AKR1E2: variants seen among roughly 807,000 people sequenced by gnomAD.
AKR1E2 encodes 1,5-anhydro-D-fructose reductase.
Under a neutral mutation model 41.9 loss-of-function variants are expected in AKR1E2, and 43 were observed. The ratio of observed to expected loss-of-function variants is 1.03; its 90% CI spans 0.80 to 1.32. AKR1E2 has a LOEUF of 1.32. Ranked by LOEUF, AKR1E2 falls within the 40% of genes most tolerant of loss-of-function variation. The pLI is 0.00. For missense variants in AKR1E2, 423 were observed against 396.5 expected (o/e 1.07, Z -0.57); for synonymous variants, 121 against 138.9 (o/e 0.87, Z 0.91).
At chr10:4,831,144 A>C (rs999417950) in intron 2 of AKR1E2, among the ~76,000 whole-genome samples, 1 of 152,214 alleles carries the variant, frequency 6.6e-6, no homozygotes, top group Non-Finnish European at 1.5e-5. Context: ...GCCCTCATGA[A>C]GTCTGTTTAC....
At chr10:4,861,964 G>C in the AKR1E2 span, among the ~76,000 whole-genome samples, 5 of 152,162 alleles carry the variant, frequency 3.3e-5, no homozygotes, top group Admixed American at 1.3e-4. Context: ...TTTGGCTTTT[G>C]TTGCCATTGT....
chr10:4,852,349 C>T (rs1371462437), downstream of AKR1E2, among the ~76,000 whole-genome samples: 1 of 152,172 alleles, frequency 6.6e-6, no homozygotes, highest in African/African-American at 2.4e-5. Context: ...GAAAAAGGCT[C>T]CTTCTCTTGT....
At chr10:4,854,472 A>G in the AKR1E2 span, among the ~76,000 whole-genome samples, 1 of 151,948 alleles carries the variant, frequency 6.6e-6, no homozygotes, top group African/African-American at 2.4e-5. Context: ...AGATCTAAGA[A>G]CCCTCTCTTG....
the AKR1E2 span, among the ~76,000 whole-genome samples, chr10:4,865,543 T>A: frequency 2.0e-5 from 3 of 152,282 alleles, no homozygotes; most frequent in Middle Eastern, 3.4e-3. Context: ...AAATTAATGA[T>A]AATTGAAATA....
chr10:4,829,314 T>A (rs994162805), intron 1 of AKR1E2, among the ~76,000 whole-genome samples: 1 of 152,208 alleles, frequency 6.6e-6, no homozygotes, highest in African/African-American at 2.4e-5. Context: ...AAACCATCCT[T>A]AGATATCTGA....
intron 8 of AKR1E2, among the ~76,000 whole-genome samples, chr10:4,843,062 G>A (rs778766136): frequency 6.6e-6 from 1 of 152,172 alleles, no homozygotes; most frequent in Non-Finnish European, 1.5e-5. Flanking sequence ...TCCTTTTCAG[G>A]GCAATCTTTT....
the AKR1E2 span, among the ~76,000 whole-genome samples, chr10:4,869,187 TAAAATTATAAACTCA>T: frequency 3.9e-5 from 6 of 152,176 alleles, no homozygotes; most frequent in Admixed American, 3.9e-4. Context: ...TTGGGAGTTT[TAAAATTATAAACTCA>T]ATTTAGTAAT....
Position 4,847,924 on chromosome 10 carries a change from A to T in AKR1E2, c.*394A>T, listed in dbSNP as rs17133780. The stretch of plus-strand genomic sequence containing the variant: ...TGCCCCAGGCCAGCCCGCGTCACCT[A>T]CACTTCCTTCTGTGCCCTGCCAGTG... On this transcript the variant is annotated 3_prime_UTR_variant, in exon 10 of 10. Coordinates refer to ENST00000298375, the MANE Select transcript of AKR1E2 (RefSeq NM_001040177.3). 6,077 of 182,806 alleles carry T rather than the reference A, an allele frequency of 0.033. 164 individuals carry two copies. Among genetic ancestry groups the T allele is most frequent in the East Asian group, 0.1 (685 of 6,688 alleles). 11.3% of individuals were successfully genotyped at this position (182,806 alleles called of 1,614,324 possible).
the AKR1E2 span, among the ~76,000 whole-genome samples, chr10:4,868,887 A>G: frequency 1.3e-5 from 2 of 152,050 alleles, no homozygotes; most frequent in Non-Finnish European, 2.9e-5. Flanking sequence ...TATAAGCTAT[A>G]CTTGGTTTTT....
Position 4,828,283 on chromosome 10 carries a change from A to G in AKR1E2, c.39+1920A>G, listed in dbSNP as rs1222602924. 4.6e-5 allele frequency among the ~76,000 whole-genome samples: 7 copies of G among 152,114 alleles called. No individual in the cohort carries two copies. In the East Asian group the frequency reaches 1.3e-3, roughly 29 times the overall value. ...CCTGTCCTCGTGCGGTTAGTTAGGG[A>G]GTGTTCTCAAGATGATGGCTGAAGC... is the stretch of plus-strand genomic sequence containing the variant. On this transcript the variant is annotated intron_variant, in intron 1 of 9. Transcript: ENST00000298375.
chr10:4,828,795 T>G (rs1158916420), intron 1 of AKR1E2, among the ~76,000 whole-genome samples: 2 of 152,220 alleles, frequency 1.3e-5, no homozygotes, highest in Admixed American at 1.3e-4. Context: ...ATATATGTCT[T>G]TTGTTGGAAT....
chr10:4,853,720 G>C, the AKR1E2 span, among the ~76,000 whole-genome samples: 1 of 152,208 alleles, frequency 6.6e-6, no homozygotes, highest in African/African-American at 2.4e-5. Context: ...TTGAATAGGG[G>C]CTGAGTAAAA....
chr10:4,869,833 G>T, the AKR1E2 span, among the ~76,000 whole-genome samples: 1 of 151,622 alleles, frequency 6.6e-6, no homozygotes, highest in African/African-American at 2.4e-5. Context: ...TCTGTTTTTG[G>T]TTTCTAATTT....
At position 4,833,403 on chromosome 10, in the gene AKR1E2, T is replaced by C; in HGVS notation, c.261T>C (p.Ser87=). The change falls in exon 3 of 10, where the codon AGT becomes AGC. Residue 87 remains serine (S), a synonymous_variant. Coordinates refer to ENST00000298375, the MANE Select transcript of AKR1E2 (RefSeq NM_001040177.3). The part of the protein sequence containing the change: ...KSLVETACRK[S]LKALKLNYLD... ...TGGTGGAAACAGCATGCAGAAAGAG[T>C]CTCAAGGCCTTGAAGCTGAACTATT... 6.2e-7 allele frequency: 1 copy of C among 1,613,910 alleles called. No individual in the cohort carries two copies. The highest frequency in any genetic ancestry group is 1.3e-5 in the African/African-American group (1 of 74,954).
chr10:4,861,411 T>A, the AKR1E2 span, among the ~76,000 whole-genome samples: 2 of 151,922 alleles, frequency 1.3e-5, no homozygotes, highest in African/African-American at 2.4e-5. Flanking sequence ...CACTCCATTG[T>A]CCAGGATGGA....
At position 4,842,500 on chromosome 10, in the gene AKR1E2, T is replaced by A; in HGVS notation, c.833T>A (p.Ile278Asn). 5 of 1,613,718 alleles carry A rather than the reference T, an allele frequency of 3.1e-6. No homozygotes were observed. The highest frequency in any genetic ancestry group is 2.5e-6 in the Non-Finnish European group (3 of 1,179,644). The change falls in exon 8 of 10, where the codon ATC (isoleucine) becomes AAC (asparagine). Residue 278 changes from isoleucine (I) to asparagine (N), a missense_variant. Transcript: ENST00000298375. ...SITPSHIKEN[I>N]QVFDFELTQH... ...ACCCCAAGTCACATTAAAGAGAATA[T>A]CCAGGTAGGTGTATTCCTTCTTTTA... is the stretch of plus-strand genomic sequence containing the variant.
chr10:4,866,644 TG>T, the AKR1E2 span, among the ~76,000 whole-genome samples: 57 of 120,352 alleles, frequency 4.7e-4, 2 homozygotes, highest in South Asian at 2.3e-3. Context: ...TTTTTGTTTT[TG>T]TTTTTTTTTT....
rs1226162673 is a variant in AKR1E2, at chr10:4,839,714, A to G, written c.583-15A>G. 1.1e-5 allele frequency: 18 copies of G among 1,608,108 alleles called. No individual in the cohort carries two copies. The highest frequency in any genetic ancestry group is 1.4e-5 in the Non-Finnish European group (17 of 1,174,668). ...TAGTGGTCTGAATTTTATGTAAGCT[A>G]TGATTCTGTTATAGATTGAGTGCCA... is the stretch of plus-strand genomic sequence containing the variant. On this transcript the variant is annotated splice_polypyrimidine_tract_variant and intron_variant, in intron 5 of 9. Transcript: ENST00000298375.
At chr10:4,831,687 T>C (rs1394726755) in intron 2 of AKR1E2, among the ~76,000 whole-genome samples, 1 of 152,220 alleles carries the variant, frequency 6.6e-6, no homozygotes, top group Non-Finnish European at 1.5e-5. Flanking sequence ...CCAAATCACT[T>C]GGTCTCTCTG....
Sources: allele counts gnomAD v4.1 joint callset (sites outside exome capture counted in the v4.1 genomes callset), GRCh38; gene constraint gnomAD v4.1.1; transcripts MANE v1.5; gene names NCBI Gene and HGNC (gene_info 2026-07-23, HGNC 2026-07-21).